The following MAP2 variants were observed in gnomAD, a reference collection of about 807,000 sequenced individuals.
MAP2 encodes microtubule associated protein 2.
In MAP2, 14 loss-of-function variants were observed where a neutral mutation model predicts 137.6. The ratio of observed to expected loss-of-function variants is 0.10; its 90% confidence interval spans 0.07 to 0.16. The LOEUF (loss-of-function observed/expected upper bound fraction) is 0.16. Among genes scored for constraint, MAP2 ranks in the 10% least tolerant of loss-of-function variants. The pLI is 1.00. For missense variants in MAP2, 2,088 were observed against 2,191.5 expected (o/e 0.95, Z 0.94); for synonymous variants, 786 against 782.3 (o/e 1.00, Z -0.08).
intron 2 of MAP2, among the ~76,000 whole-genome samples, chr2:209,540,939 G>A (rs1291064416): frequency 1.3e-5 from 2 of 150,904 alleles, no homozygotes; most frequent in Admixed American, 6.6e-5. Flanking sequence ...CAATAGTTAC[G>A]TTTACACTAT....
intron 5 of MAP2, among the ~76,000 whole-genome samples, chr2:209,654,776 T>C (rs3768835): frequency 0.1 from 15,640 of 152,212 alleles, 960 homozygotes; most frequent in East Asian, 0.23. Flanking sequence ...TATGTCAAGG[T>C]TTTTTTCATC....
intron 1 of MAP2, among the ~76,000 whole-genome samples, chr2:209,488,843 G>A (rs577062079): frequency 6.6e-6 from 1 of 152,192 alleles, no homozygotes; most frequent in Non-Finnish European, 1.5e-5. Flanking sequence ...CTGGGGAAAG[G>A]GGGGGATGTG....
chr2:209,712,099 C>T (rs185251542), intron 13 of MAP2, among the ~76,000 whole-genome samples: 53 of 152,070 alleles, frequency 3.5e-4, no homozygotes, highest in Admixed American at 3.5e-3. Flanking sequence ...TTAAGAAAGG[C>T]AAAAAGAATG....
chr2:209,481,536 A>T (rs951812009), intron 1 of MAP2, among the ~76,000 whole-genome samples: 2 of 152,226 alleles, frequency 1.3e-5, no homozygotes, highest in Non-Finnish European at 2.9e-5. Context: ...AATGGAGTCC[A>T]TGGATTGACC....
At chr2:209,572,266 C>T (rs1473437025) in intron 2 of MAP2, among the ~76,000 whole-genome samples, 1 of 152,032 alleles carries the variant, frequency 6.6e-6, no homozygotes, top group Non-Finnish European at 1.5e-5. Context: ...CATTGCAGTA[C>T]AACTCTAATT....
intron 13 of MAP2, among the ~76,000 whole-genome samples, chr2:209,712,742 G>A (rs929451329): frequency 1.3e-5 from 2 of 152,082 alleles, no homozygotes; most frequent in Non-Finnish European, 1.5e-5. Flanking sequence ...GTGAGGAGAG[G>A]TTTTTTCCAT....
intron 1 of MAP2, among the ~76,000 whole-genome samples, chr2:209,463,486 A>G (rs1258024119): frequency 2.0e-5 from 3 of 152,118 alleles, no homozygotes; most frequent in Non-Finnish European, 4.4e-5. Flanking sequence ...GGGAGGAAGC[A>G]GCTTTCAACA....
At position 209,730,264 on chromosome 2, in the gene MAP2, G is replaced by A. The variant is rs1425788178; in HGVS notation, c.5351G>A (p.Gly1784Asp). The change falls in exon 16 of 16, where the codon GGC becomes GAC. Residue 1784 changes from glycine (G) to aspartate (D), a missense_variant. Gly to Asp is a moderately conservative substitution (Grantham distance 94). This residue lies in a region of MAP2 where 112 missense variants were observed against 201.0 expected (regional missense o/e 0.56). Coordinates refer to ENST00000682079, the MANE Select transcript of MAP2 (RefSeq NM_001375505.1). ...HGAEIITQSP[G>D]RSSVASPRRL... The stretch of plus-strand genomic sequence containing the variant: ...GCTGAGATCATTACACAGTCCCCAG[G>A]CAGATCCAGCGTGGCATCACCCCGA... 1 of 1,614,116 alleles carries A rather than the reference G, an allele frequency of 6.2e-7. No individual in the cohort carries two copies. Among genetic ancestry groups the A allele is most frequent in the South Asian group, 1.1e-5 (1 of 91,082 alleles).
intron 6 of MAP2, among the ~76,000 whole-genome samples, chr2:209,680,294 A>G (rs1019813882): frequency 6.6e-6 from 1 of 152,208 alleles, no homozygotes; most frequent in Non-Finnish European, 1.5e-5. Flanking sequence ...ACTATTAGTG[A>G]TCAAGATAAC....
At chr2:209,606,861 A>C (rs2084941212) in intron 3 of MAP2, among the ~76,000 whole-genome samples, 1 of 152,172 alleles carries the variant, frequency 6.6e-6, no homozygotes, top group Admixed American at 6.6e-5. Flanking sequence ...ACAGGTGGTA[A>C]ATGTTTGATA....
chr2:209,482,339 AACTC>A (rs1200370650), intron 1 of MAP2, among the ~76,000 whole-genome samples: 5 of 152,180 alleles, frequency 3.3e-5, no homozygotes, highest in African/African-American at 1.2e-4. Context: ...ATTTAAAAAA[AACTC>A]ACAGTCATCA....
intron 14 of MAP2, 46 bp from the exon 15 acceptor site, chr2:209,729,804 C>T (rs1438816552): frequency 1.5e-6 from 2 of 1,318,768 alleles, no homozygotes; most frequent in Non-Finnish European, 2.2e-6. Flanking sequence ...AAATAGTTAC[C>T]ACGAATGCAA....
In MAP2 at chr2:209,694,617, G is replaced by A; in HGVS notation, c.2447G>A (p.Arg816Lys). Residue 816 changes from arginine (R) to lysine (K), a missense_variant, in exon 8 of 16, where the codon AGG becomes AAG. Transcript: ENST00000682079. ...LPEMLDLAGT[R>K]SRLASVSADA... ...GAAATGCTAGATCTGGCAGGCACAA[G>A]GTCAAGATTGGCTTCTGTGAGTGCA... The A allele has an allele frequency of 6.2e-7, 1 of 1,614,134 alleles. No homozygotes were observed. Among genetic ancestry groups the A allele is most frequent in the Non-Finnish European group, 8.5e-7 (1 of 1,180,006 alleles).
chr2:209,533,992 A>G (rs1405502514), intron 2 of MAP2, among the ~76,000 whole-genome samples: 2 of 152,206 alleles, frequency 1.3e-5, no homozygotes, highest in East Asian at 3.9e-4. Context: ...TGAAGGAACT[A>G]GGGCATCCCA....
chr2:209,468,320 T>TC lies in MAP2; in HGVS notation c.-221-39272_-221-39271insC, dbSNP rs1169386058. ...GGATTTTTTCAGTTTAGTGTTTCTTTTTTTTTTTTTTTTTTTTTGAGACGG... is the reference window on the plus strand; with the variant it reads ...GGATTTTTTCAGTTTAGTGTTTCTTTCTTTTTTTTTTTTTTTTTTGAGACGG... On this transcript the variant is annotated intron_variant, in intron 1 of 15. Coordinates refer to ENST00000682079, the MANE Select transcript of MAP2 (RefSeq NM_001375505.1). Among the ~76,000 whole-genome samples the TC allele has an allele frequency of 7.3e-5, 10 of 137,506 alleles. 1 individual carries two copies. Among genetic ancestry groups the TC allele is most frequent in the African/African-American group, 2.7e-4 (10 of 37,378 alleles). 90.2% of individuals were successfully genotyped at this position (137,506 alleles called of 152,430 possible). A position where few individuals can be genotyped will look rare whatever the true frequency, so the allele number is the denominator to read the frequency against.
chr2:209,431,742 T>G (rs1474463841), intron 1 of MAP2, among the ~76,000 whole-genome samples: 1 of 152,144 alleles, frequency 6.6e-6, no homozygotes, highest in African/African-American at 2.4e-5. Flanking sequence ...CTGATTATAT[T>G]TCTGTTCTCT....
chr2:209,726,767 GA>G (rs1249632133), intron 14 of MAP2, among the ~76,000 whole-genome samples: 3 of 152,104 alleles, frequency 2.0e-5, no homozygotes, highest in East Asian at 3.9e-4. Context: ...TTGTCACAAA[GA>G]AAAAACTCTG....
At chr2:209,493,084 A>G (rs1004955663) in intron 1 of MAP2, among the ~76,000 whole-genome samples, 14 of 152,206 alleles carry the variant, frequency 9.2e-5, no homozygotes, top group African/African-American at 3.1e-4. Context: ...AAACAGATAC[A>G]TAGACCAATG....
intron 2 of MAP2, among the ~76,000 whole-genome samples, chr2:209,551,797 T>C (rs1217081591): frequency 6.6e-6 from 1 of 152,212 alleles, no homozygotes; most frequent in Non-Finnish European, 1.5e-5. Flanking sequence ...ATTGAGACTG[T>C]GTGTGATATG....
Sources: allele counts gnomAD v4.1 joint callset (sites outside exome capture counted in the v4.1 genomes callset), GRCh38; gene constraint gnomAD v4.1.1; regional missense constraint gnomAD v4.1.1; transcripts MANE v1.5; gene names NCBI Gene and HGNC (gene_info 2026-07-23, HGNC 2026-07-21).